The following ADD3 variants were observed in gnomAD, a reference collection of about 807,000 sequenced individuals.
ADD3 encodes gamma-adducin.
In ADD3, 25 loss-of-function variants were observed where a neutral mutation model predicts 80.2. The ratio of observed to expected loss-of-function variants is 0.31; its 90% CI spans 0.23 to 0.44. ADD3 has a LOEUF of 0.44. Ranked by LOEUF, ADD3 falls within the 20% of genes least tolerant of loss-of-function variation. The pLI is 1.00. For synonymous variants in ADD3, 284 were observed against 289.6 expected (o/e 0.98, Z 0.20); for missense variants, 829 against 847.5 (o/e 0.98, Z 0.27).
intron 5 of ADD3, among the ~76,000 whole-genome samples, chr10:110,118,272 C>G (rs1851036012): frequency 1.3e-5 from 2 of 152,300 alleles, no homozygotes; most frequent in Admixed American, 1.3e-4. Flanking sequence ...CAGACTTGTT[C>G]AGACCTCCGA....
In ADD3 at chr10:110,086,037, G is replaced by A. The variant is rs559152364; in HGVS notation, c.-29-14588G>A. On this transcript the variant is annotated intron_variant, in intron 1 of 14. Coordinates refer to ENST00000356080, the MANE Select transcript of ADD3 (RefSeq NM_016824.5). ...CGAGAATCGCTTGAACCTGGGAGGC[G>A]GAAGTTGCAGTAAGCCGAGATCATG... is the stretch of plus-strand genomic sequence containing the variant. Among the ~76,000 whole-genome samples the A allele has an allele frequency of 1.4e-4, 21 of 152,162 alleles. No individual in the cohort carries two copies. In the East Asian group the frequency reaches 3.1e-3, roughly 22 times the overall value.
chr10:110,077,777 C>T (rs931745510), intron 1 of ADD3, among the ~76,000 whole-genome samples: 3 of 89,542 alleles, frequency 3.4e-5, no homozygotes, highest in African/African-American at 1.2e-4. Flanking sequence ...TTTTTTTTTT[C>T]GCAACTGGGG....
chr10:110,130,955 C>T (rs1291182312), intron 13 of ADD3, among the ~76,000 whole-genome samples: 1 of 151,872 alleles, frequency 6.6e-6, no homozygotes, highest in Non-Finnish European at 1.5e-5. Flanking sequence ...TAAAGAATTA[C>T]TAGCCAAAGT....
intron 1 of ADD3, among the ~76,000 whole-genome samples, chr10:110,057,629 A>T (rs1243007087): frequency 6.6e-6 from 1 of 152,122 alleles, no homozygotes; most frequent in Non-Finnish European, 1.5e-5. Context: ...ATCTGATTCT[A>T]ATTTGCAGTA....
At chr10:110,081,007 C>T (rs904237145) in intron 1 of ADD3, among the ~76,000 whole-genome samples, 1 of 152,142 alleles carries the variant, frequency 6.6e-6, no homozygotes, top group African/African-American at 2.4e-5. Flanking sequence ...AATCAAATGA[C>T]AGCTGTTCTA....
chr10:110,040,283 A>T (rs1252085814), intron 1 of ADD3, among the ~76,000 whole-genome samples: 1 of 152,128 alleles, frequency 6.6e-6, no homozygotes, highest in Non-Finnish European at 1.5e-5. Flanking sequence ...GGAACATGTG[A>T]TGCAGCTTTC....
intron 1 of ADD3, among the ~76,000 whole-genome samples, chr10:110,019,903 T>A (rs1853468710): frequency 6.6e-6 from 1 of 152,208 alleles, no homozygotes; most frequent in African/African-American, 2.4e-5. Flanking sequence ...AGGACATCAT[T>A]ACCCCAGGAG....
chr10:110,059,649 G>T (rs1045964280), intron 1 of ADD3, among the ~76,000 whole-genome samples: 1 of 150,784 alleles, frequency 6.6e-6, no homozygotes, highest in Non-Finnish European at 1.5e-5. Flanking sequence ...TGCGCCTGTA[G>T]TCCCAGCTAC....
chr10:110,017,174 C>G (rs1229786966), intron 1 of ADD3, among the ~76,000 whole-genome samples: 1 of 152,190 alleles, frequency 6.6e-6, no homozygotes, highest in African/African-American at 2.4e-5. Flanking sequence ...AAGCACTATG[C>G]TATATACTGC....
At chr10:110,002,147 C>G (rs1851498581), upstream of ADD3, among the ~76,000 whole-genome samples, 1 of 152,002 alleles carries the variant, frequency 6.6e-6, no homozygotes, top group African/African-American at 2.4e-5. Flanking sequence ...CAAAAATTAG[C>G]CAGGTGTGGT....
At chr10:110,015,682 G>A (rs528149433) in intron 1 of ADD3, among the ~76,000 whole-genome samples, 1 of 134,392 alleles carries the variant, frequency 7.4e-6, no homozygotes, top group South Asian at 2.6e-4. Flanking sequence ...CAGAATGTTT[G>A]ATTTTTTTTT....
At chr10:110,088,962 A>G (rs1847138118) in intron 1 of ADD3, among the ~76,000 whole-genome samples, 1 of 152,180 alleles carries the variant, frequency 6.6e-6, no homozygotes, top group Non-Finnish European at 1.5e-5. Context: ...CATTTTTAAT[A>G]ATAAGCTTTG....
intron 1 of ADD3, among the ~76,000 whole-genome samples, chr10:110,053,400 G>A (rs1857752474): frequency 6.7e-6 from 1 of 150,118 alleles, no homozygotes; most frequent in Non-Finnish European, 1.5e-5. Context: ...GTTAGAAACT[G>A]TCTATCTGGA....
At position 110,134,289 on chromosome 10, in the gene ADD3, G is replaced by T. The variant is rs1853427781; in HGVS notation, c.*671G>T. ...AAGCCCCTTATTTTTCAACAAAGGGGATTTTGTACACATAACATGGGTTAT... is the reference window on the plus strand; with the variant it reads ...AAGCCCCTTATTTTTCAACAAAGGGTATTTTGTACACATAACATGGGTTAT... On this transcript the variant is annotated 3_prime_UTR_variant, in exon 15 of 15. Coordinates refer to ENST00000356080, the MANE Select transcript of ADD3 (RefSeq NM_016824.5). 4 of 150,412 alleles carry T rather than the reference G, an allele frequency of 2.7e-5. No homozygotes were observed. The highest frequency in any genetic ancestry group is 7.4e-5 in the African/African-American group (3 of 40,752). The allele number at this position is 150,412 out of a possible 1,614,324, so 9.3% of individuals were successfully genotyped here.
rs141013123 is a variant in ADD3 at position 110,107,980 on chromosome 10, A to G, written c.196-4797A>G. 2.8e-3 allele frequency among the ~76,000 whole-genome samples: 421 copies of G among 152,198 alleles called. 1 individual carries two copies. Among genetic ancestry groups the G allele is most frequent in the Admixed American group, 6.9e-3 (105 of 15,284 alleles). On this transcript the variant is annotated intron_variant, in intron 2 of 14. Transcript: ENST00000356080. ...AACAACTACCACTACCTCCTCTTCT[A>G]TGCTCTTCTGTATCTGAGAAAGAAG...
chr10:110,066,706 A>C (rs76908760), intron 1 of ADD3, among the ~76,000 whole-genome samples: 3,278 of 152,218 alleles, frequency 0.022, 116 homozygotes, highest in African/African-American at 0.071. Flanking sequence ...CATAGCCCAC[A>C]ATTTGTGAGT....
At chr10:110,004,235 A>T (rs1355858779), upstream of ADD3, among the ~76,000 whole-genome samples, 1 of 151,832 alleles carries the variant, frequency 6.6e-6, no homozygotes, top group Non-Finnish European at 1.5e-5. Flanking sequence ...TGTAGGAGGC[A>T]TTAAAAAAAA....
chr10:110,019,253 G>A (rs1385032576), intron 1 of ADD3, among the ~76,000 whole-genome samples: 3 of 151,622 alleles, frequency 2.0e-5, no homozygotes, highest in Admixed American at 6.6e-5. Context: ...GTTCCAAAGT[G>A]TCTCAGTTCT....
chr10:110,032,073 G>A (rs1413259338), intron 1 of ADD3, among the ~76,000 whole-genome samples: 2 of 152,126 alleles, frequency 1.3e-5, no homozygotes, highest in Non-Finnish European at 2.9e-5. Context: ...GATACAAGAA[G>A]AGTCTCCTTT....
Sources: allele counts gnomAD v4.1 joint callset (sites outside exome capture counted in the v4.1 genomes callset), GRCh38; gene constraint gnomAD v4.1.1; transcripts MANE v1.5; gene names NCBI Gene and HGNC (gene_info 2026-07-23, HGNC 2026-07-21).